DDX25: variants seen among roughly 807,000 people sequenced by gnomAD.
DDX25 encodes ATP-dependent RNA helicase DDX25.
Under a neutral mutation model 64.6 loss-of-function variants are expected in DDX25, and 70 were observed. The ratio of observed to expected loss-of-function variants is 1.08; its 90% confidence interval spans 0.89 to 1.32. The LOEUF (loss-of-function observed/expected upper bound fraction) is 1.32. Ranked by LOEUF, DDX25 falls within the 40% of genes most tolerant of loss-of-function variation. The pLI is 0.00. For synonymous variants in DDX25, 211 were observed against 213.3 expected, an observed-to-expected ratio of 0.99 and a Z score of 0.09; for missense variants, 587 against 604.4, an observed-to-expected ratio of 0.97 and a Z score of 0.30.
rs377293759 is a variant in DDX25 at position 125,921,354 on chromosome 11, G to A, written c.1365G>A (p.Ser455=). 54 of 1,613,638 alleles carry A rather than the reference G, an allele frequency of 3.3e-5. No individual in the cohort carries two copies. The highest frequency in any genetic ancestry group is 1.1e-4 in the South Asian group (10 of 91,040). The part of the protein sequence containing the change: ...FNMIEVDELP[S]LMKIQDHFNS... ...TGATTGAAGTAGATGAGCTGCCCTCGCTCATGAAAATCCAGGACCACTTTA... is the reference window on the plus strand; with the variant it reads ...TGATTGAAGTAGATGAGCTGCCCTCACTCATGAAAATCCAGGACCACTTTA... Residue 455 remains serine, a synonymous_variant, in exon 11 of 12, where the codon TCG becomes TCA. Coordinates refer to ENST00000263576, the MANE Select transcript of DDX25 (RefSeq NM_013264.5). This position sits in a 1 kb window ranked among gnomAD's most constrained non-coding sequence, Gnocchi z 4.1.
chr11:125,904,119 G>A (rs1318828286), upstream of DDX25, among the ~76,000 whole-genome samples: 2 of 152,214 alleles, frequency 1.3e-5, no homozygotes, highest in African/African-American at 4.8e-5. Flanking sequence ...AAATTTCCAG[G>A]GAAACCGACA....
chr11:125,905,452 G>A, intron 2 of DDX25, 101 bp from the exon 3 acceptor site: 1 of 1,365,598 alleles, frequency 7.3e-7, no homozygotes, highest in South Asian at 1.3e-5. Flanking sequence ...CTTCTTGCCA[G>A]TAGACACTGA....
upstream of DDX25, chr11:125,904,466 C>T: frequency 6.9e-7 from 1 of 1,445,536 alleles, no homozygotes; most frequent in Non-Finnish European, 9.1e-7. Context: ...CCAGCACCGC[C>T]TCGCGCCGGT....
intron 7 of DDX25, 119 bp downstream of exon 7, chr11:125,910,597 G>T (rs1303018315): frequency 8.4e-6 from 7 of 833,538 alleles, no homozygotes; most frequent in Middle Eastern, 2.3e-4. Flanking sequence ...TACCACTCAT[G>T]TCATAGAGTT....
intron 7 of DDX25, among the ~76,000 whole-genome samples, chr11:125,910,948 C>T (rs758187557): frequency 5.3e-5 from 8 of 150,720 alleles, no homozygotes; most frequent in South Asian, 2.1e-4. Context: ...CATGCACATA[C>T]AAATGCCCAT....
At position 125,926,221 on chromosome 11, in the gene DDX25, C is replaced by T. The variant is rs181624685; in HGVS notation, c.*3340C>T. 3 of 152,476 alleles carry T rather than the reference C, an allele frequency of 2.0e-5. No homozygotes were observed. Among genetic ancestry groups the T allele is most frequent in the African/African-American group, 7.2e-5 (3 of 41,580 alleles). The allele number at this position is 152,476 out of a possible 1,614,324, so 9.4% of individuals were successfully genotyped here. ...TCTCACCCACATTGTACAGACAGCC[C>T]ATCATGCTCAGCCTTGCAGGAGGGT... On this transcript the variant is annotated 3_prime_UTR_variant, in exon 12 of 12. Coordinates refer to ENST00000263576, the MANE Select transcript of DDX25 (RefSeq NM_013264.5).
Position 125,921,071 on chromosome 11 carries a change from C to A in DDX25, c.1202-120C>A. ...AAAGTACCTGTCTCAATTACATAAG[C>A]CCTGGTTGGATTTCTAAATTTTCTC... On this transcript the variant is annotated intron_variant, in intron 10 of 11. Coordinates refer to ENST00000263576, the MANE Select transcript of DDX25 (RefSeq NM_013264.5). The surrounding 1 kb of genome is among the most constrained non-coding windows in gnomAD (Gnocchi z 4.1). 9.8e-7 allele frequency: 1 copy of A among 1,017,616 alleles called. No homozygotes were observed. Among genetic ancestry groups the A allele is most frequent in the South Asian group, 1.8e-5 (1 of 56,212 alleles). The allele number at this position is 1,017,616 out of a possible 1,614,324, so 63.0% of individuals were successfully genotyped here.
chr11:125,908,098 G>GC, intron 4 of DDX25, 98 bp from the exon 5 acceptor site: 1 of 967,446 alleles, frequency 1.0e-6, no homozygotes, highest in South Asian at 1.7e-5. Flanking sequence ...AAGCTCAGCT[G>GC]CAAAGTGACT....
intron 6 of DDX25, 31 bp downstream of exon 6, chr11:125,908,534 G>A: frequency 1.9e-6 from 3 of 1,596,738 alleles, no homozygotes. Flanking sequence ...GACTGGGAAT[G>A]CTTGCACTAC....
chr11:125,904,826 C>G (rs1361807658), intron 1 of DDX25: 1 of 579,410 alleles, frequency 1.7e-6, no homozygotes, highest in Non-Finnish European at 3.1e-6. Context: ...AGGGTGGGAA[C>G]GCAGCTGGTA....
chr11:125,912,743 C>CT (rs374233170), intron 8 of DDX25, among the ~76,000 whole-genome samples: 1,453 of 142,106 alleles, frequency 0.01, 20 homozygotes, highest in Non-Finnish European at 0.016. Context: ...ATTGCTTTTG[C>CT]TTTTTTTTTT....
intron 6 of DDX25, among the ~76,000 whole-genome samples, chr11:125,909,709 C>T (rs1268486889): frequency 1.3e-5 from 2 of 150,272 alleles, no homozygotes; most frequent in East Asian, 3.9e-4. Flanking sequence ...AGTGCAGTGG[C>T]ATGATCTTGG....
At chr11:125,919,777 C>T (rs1345390302) in intron 10 of DDX25, among the ~76,000 whole-genome samples, 2 of 152,272 alleles carry the variant, frequency 1.3e-5, no homozygotes, top group Admixed American at 6.5e-5. Flanking sequence ...AGCCTAGGCT[C>T]TTGCCTCTCT....
Position 125,905,269 on chromosome 11 carries a change from C to T in DDX25, c.121C>T (p.Arg41Ter), listed in dbSNP as rs1944867808. ...TTGGGGTATTAAGAGTACTGCAGTC[C>T]GAAACATAGGTGAGTGCTGTTAGGG... The part of the protein sequence containing the change: ...NLWGIKSTAV[R>*]NIDGSINNIN... The change falls in exon 2 of 12, where the codon CGA becomes TGA. Residue 41 changes from arginine to a stop codon, truncating the protein, a stop_gained. Transcript: ENST00000263576. LOFTEE classifies it high-confidence loss of function. 4.5e-6 allele frequency: 7 copies of T among 1,551,520 alleles called. No individual in the cohort carries two copies. The highest frequency in any genetic ancestry group is 1.2e-5 in the South Asian group (1 of 84,010).
chr11:125,908,203 G>T lies in DDX25; in HGVS notation c.319G>T (p.Glu107Ter). The T allele has an allele frequency of 1.2e-6, 2 of 1,602,396 alleles. No homozygotes were observed. Among genetic ancestry groups the T allele is most frequent in the Admixed American group, 1.7e-5 (1 of 57,916 alleles). ...GATTTTTTTTTTTGACAGAAAGGAA[G>T]AGTTACTAAAAGGAATCTATGCAAT... Reference protein sequence around the residue: ...KTFEELRLKEELLKGIYAMGF... With the variant: ...KTFEELRLKE The change falls in exon 5 of 12, where the codon GAG becomes TAG. Residue 107 changes from glutamate to a stop codon, truncating the protein, a stop_gained. Coordinates refer to ENST00000263576, the MANE Select transcript of DDX25 (RefSeq NM_013264.5). LOFTEE classifies it high-confidence loss of function.
upstream of DDX25, chr11:125,904,326 C>A (rs1565460875): frequency 2.4e-6 from 1 of 412,708 alleles, no homozygotes. Context: ...TGCCCCCCGC[C>A]CCGCTCTCTG....
At position 125,926,736 on chromosome 11, in the gene DDX25, G is replaced by A. The variant is rs1945171338; in HGVS notation, c.*3855G>A. The A allele has an allele frequency of 6.6e-6, 1 of 152,120 alleles. No homozygotes were observed. Among genetic ancestry groups the A allele is most frequent in the South Asian group, 2.1e-4 (1 of 4,824 alleles). The allele number at this position is 152,120 out of a possible 1,614,324, so 9.4% of individuals were successfully genotyped here. On this transcript the variant is annotated 3_prime_UTR_variant, in exon 12 of 12. Coordinates refer to ENST00000263576, the MANE Select transcript of DDX25 (RefSeq NM_013264.5). ...TTTTGTATGTTATTTTAGTAGCGAT[G>A]GGGTTTCACCGTATTGGTCAGGCTG...
rs1241747899 is a variant in DDX25, at chr11:125,927,973, A to C, written c.*5092A>C. On this transcript the variant is annotated 3_prime_UTR_variant, in exon 12 of 12. Transcript: ENST00000263576. ...AGTCTGAGAAGCTTTGCACAAAAGA[A>C]GATTGTTTTCCACAAATGAAAATGG... 2.0e-5 allele frequency: 3 copies of C among 152,248 alleles called. No individual in the cohort carries two copies. Among genetic ancestry groups the C allele is most frequent in the African/African-American group, 7.2e-5 (3 of 41,468 alleles). The allele number at this position is 152,248 out of a possible 1,614,324, so 9.4% of individuals were successfully genotyped here.
rs201491873 is a variant in DDX25 at position 125,921,357 on chromosome 11, C to T, written c.1368C>T (p.Leu456=). ...TTGAAGTAGATGAGCTGCCCTCGCT[C>T]ATGAAAATCCAGGACCACTTTAGTA... ...NMIEVDELPS[L]MKIQDHFNSS... is the part of the protein sequence containing the mutation. The change falls in exon 11 of 12, where the codon CTC becomes CTT. Residue 456 remains leucine (L), a synonymous_variant. Transcript: ENST00000263576. This position sits in a 1 kb window ranked among gnomAD's most constrained non-coding sequence, Gnocchi z 4.1. 2.5e-6 allele frequency: 4 copies of T among 1,613,770 alleles called. No homozygotes were observed. In the South Asian group the frequency reaches 3.3e-5, roughly 13 times the overall value.
Sources: allele counts gnomAD v4.1 joint callset (sites outside exome capture counted in the v4.1 genomes callset), GRCh38; gene constraint gnomAD v4.1.1; non-coding constraint Gnocchi (gnomAD v3.1); transcripts MANE v1.5; gene names NCBI Gene and HGNC (gene_info 2026-07-23, HGNC 2026-07-21).